Variants in SEMA3A observed in about 807,000 individuals in gnomAD.
SEMA3A encodes semaphorin-3A.
A neutral mutation model predicts 97.9 loss-of-function variants in SEMA3A; 29 were observed. That is an observed-to-expected ratio of 0.30 (90% CI 0.22 to 0.40). The LOEUF (loss-of-function observed/expected upper bound fraction) is 0.40. SEMA3A is among the 10% of genes least tolerant of loss of function. The pLI is 1.00. For missense variants in SEMA3A, 763 were observed against 951.3 expected (o/e 0.80, Z 2.60); for synonymous variants, 321 against 323.7 (o/e 0.99, Z 0.09).
chr7:84,291,711 T>C lies in SEMA3A; in HGVS notation c.-83+15496A>G, dbSNP rs1800752266. Among the ~76,000 whole-genome samples the C allele has an allele frequency of 2.6e-5, 4 of 152,134 alleles. No homozygotes were observed. In the South Asian group the frequency reaches 8.3e-4, roughly 32 times the overall value. On this transcript the variant is annotated intron_variant, in intron 3 of 3. Transcript: ENST00000424555. ...GATGATTTTCTCCCCGTAAGTTGTT[T>C]AGTCTTTATTTATTACTAGGCTAAC...
At chr7:83,994,131 T>C (rs972331195) in intron 12 of SEMA3A, among the ~76,000 whole-genome samples, 1 of 149,428 alleles carries the variant, frequency 6.7e-6, no homozygotes, top group African/African-American at 2.5e-5. Flanking sequence ...TTCTGCATTC[T>C]TCATGTAGTT....
At chr7:84,203,830 C>T (rs1798419895) in intron 3 of SEMA3A, among the ~76,000 whole-genome samples, 1 of 151,876 alleles carries the variant, frequency 6.6e-6, no homozygotes, top group Non-Finnish European at 1.5e-5. Flanking sequence ...AACACCTGGC[C>T]TCTTTGTAGA....
At chr7:84,322,594 G>A (rs1801675217) in intron 2 of SEMA3A, among the ~76,000 whole-genome samples, 1 of 152,084 alleles carries the variant, frequency 6.6e-6, no homozygotes, top group Admixed American at 6.5e-5. Context: ...CTGCTGCCAT[G>A]TAAGATGTCC....
intron 1 of SEMA3A, among the ~76,000 whole-genome samples, chr7:84,186,662 A>T (rs13231114): frequency 0.063 from 9,560 of 152,100 alleles, 350 homozygotes; most frequent in African/African-American, 0.092. Flanking sequence ...ACCACTTAAT[A>T]ACTATGATTT....
At chr7:84,208,739 T>C (rs73181369) in intron 3 of SEMA3A, among the ~76,000 whole-genome samples, 10,233 of 152,308 alleles carry the variant, frequency 0.067, 574 homozygotes, top group East Asian at 0.3. Context: ...AGTGGAACAG[T>C]TGGCTTTGAC....
intron 1 of SEMA3A, among the ~76,000 whole-genome samples, chr7:84,428,589 T>A (rs1323383994): frequency 6.6e-6 from 1 of 152,070 alleles, no homozygotes; most frequent in African/African-American, 2.4e-5. Flanking sequence ...AAATATTTCT[T>A]CTCTATTATT....
intron 2 of SEMA3A, among the ~76,000 whole-genome samples, chr7:84,312,780 C>A (rs1446478895): frequency 6.9e-6 from 1 of 145,414 alleles, no homozygotes; most frequent in African/African-American, 2.5e-5. Flanking sequence ...ATTAGGCAAC[C>A]TTTGAATCTA....
At chr7:84,064,289 C>T (rs1446064165) in intron 4 of SEMA3A, among the ~76,000 whole-genome samples, 1 of 151,318 alleles carries the variant, frequency 6.6e-6, no homozygotes, top group Admixed American at 6.6e-5. Flanking sequence ...TGGAAAGGAA[C>T]AACTGGTACC....
At chr7:84,169,148 T>C (rs369571852) in intron 1 of SEMA3A, among the ~76,000 whole-genome samples, 2 of 151,626 alleles carry the variant, frequency 1.3e-5, no homozygotes, top group East Asian at 3.8e-4. Flanking sequence ...ATAACATGTC[T>C]ATTGTAAATT....
At chr7:84,081,506 T>A (rs557187731) in intron 4 of SEMA3A, among the ~76,000 whole-genome samples, 1 of 147,904 alleles carries the variant, frequency 6.8e-6, no homozygotes, top group African/African-American at 2.5e-5. Context: ...GGCAGGAGAA[T>A]GGCGTGAACC....
intron 3 of SEMA3A, among the ~76,000 whole-genome samples, chr7:84,279,155 T>TG (rs1188348346): frequency 6.6e-6 from 1 of 152,124 alleles, no homozygotes; most frequent in Non-Finnish European, 1.5e-5. Flanking sequence ...AGTTTCAAAG[T>TG]ATCTCTCTTC....
intron 1 of SEMA3A, among the ~76,000 whole-genome samples, chr7:84,156,628 T>C (rs1796853413): frequency 6.6e-6 from 1 of 152,132 alleles, no homozygotes; most frequent in Admixed American, 6.5e-5. Context: ...GTGGGAAAGT[T>C]TGTATGCATG....
intron 4 of SEMA3A, among the ~76,000 whole-genome samples, chr7:84,084,225 C>T (rs1794255803): frequency 6.6e-6 from 1 of 152,044 alleles, no homozygotes; most frequent in Non-Finnish European, 1.5e-5. Flanking sequence ...TATTTATTTA[C>T]TTATTTTCCT....
At chr7:84,054,990 T>C (rs533083183) in intron 5 of SEMA3A, among the ~76,000 whole-genome samples, 2 of 151,702 alleles carry the variant, frequency 1.3e-5, no homozygotes, top group East Asian at 3.9e-4. Context: ...GCCCCTGCTG[T>C]GGGGTGCCTC....
intron 3 of SEMA3A, among the ~76,000 whole-genome samples, chr7:84,248,518 G>A (rs1257653264): frequency 6.6e-6 from 1 of 152,158 alleles, no homozygotes; most frequent in South Asian, 2.1e-4. Context: ...CTTTTTGTGA[G>A]AGTCAGCAGA....
chr7:84,403,208 C>T (rs1803957386), intron 1 of SEMA3A, among the ~76,000 whole-genome samples: 1 of 152,284 alleles, frequency 6.6e-6, no homozygotes, highest in Admixed American at 6.5e-5. Context: ...TAATACTGCG[C>T]TTTTCCAACG....
chr7:84,294,481 C>T (rs1800823937), intron 3 of SEMA3A, among the ~76,000 whole-genome samples: 1 of 151,898 alleles, frequency 6.6e-6, no homozygotes, highest in African/African-American at 2.4e-5. Flanking sequence ...TATTTATCAC[C>T]ATAATAAAAT....
intron 15 of SEMA3A, among the ~76,000 whole-genome samples, chr7:83,970,633 A>C (rs190300579): frequency 2.0e-5 from 3 of 152,308 alleles, no homozygotes; most frequent in Admixed American, 2.0e-4. Flanking sequence ...TGTAAGTTTA[A>C]TTTGTAAATA....
intron 15 of SEMA3A, among the ~76,000 whole-genome samples, chr7:83,974,998 C>A (rs1391254410): frequency 6.6e-6 from 1 of 152,066 alleles, no homozygotes; most frequent in South Asian, 2.1e-4. Flanking sequence ...TTTATTTACA[C>A]TCACTTTATT....
Sources: allele counts gnomAD v4.1 joint callset (sites outside exome capture counted in the v4.1 genomes callset), GRCh38; gene constraint gnomAD v4.1.1; transcripts MANE v1.5; gene names NCBI Gene and HGNC (gene_info 2026-07-23, HGNC 2026-07-21).